Variants in HLA-DOA observed in about 807,000 individuals in gnomAD.
HLA-DOA encodes major histocompatibility complex, class II, DO alpha, also known as HLA class II histocompatibility antigen, DO alpha chain.
Under a neutral mutation model 22.9 loss-of-function variants are expected in HLA-DOA, and 27 were observed. The ratio of observed to expected loss-of-function variants is 1.18; its 90% CI spans 0.87 to 1.62. The LOEUF (loss-of-function observed/expected upper bound fraction) is 1.62, where lower values mean the gene tolerates loss of function less well. Among genes scored for constraint, HLA-DOA ranks in the 40% most tolerant of loss-of-function variants. The pLI, the probability that HLA-DOA is intolerant of heterozygous loss-of-function variation, is 0.00. For synonymous variants in HLA-DOA, 137 were observed against 138.6 expected (o/e 0.99, Z 0.08); for missense variants, 324 against 332.4 (o/e 0.97, Z 0.20).
At chr6:33,007,006 G>C in intron 4 of HLA-DOA, 74 bp downstream of exon 4, 2 of 1,545,802 alleles carry the variant, frequency 1.3e-6, no homozygotes, top group Non-Finnish European at 1.8e-6. Flanking sequence ...CAGAATCTCT[G>C]ATTCTCCACC....
rs1168907696 is a variant in HLA-DOA, at chr6:33,006,920, C to G, written c.750-79G>C. The G allele has an allele frequency of 4.8e-6, 7 of 1,457,772 alleles. No homozygotes were observed. The African/African-American group carries it at 9.7e-5, about 20-fold the overall frequency. The allele number at this position is 1,457,772 out of a possible 1,614,324, so 90.3% of individuals were successfully genotyped here. ...TCCTATCTCTGAGTGCCCACCTCCC[C>G]CAAAACCTCACTCTCTCACCCCACC... On this transcript the variant is annotated intron_variant, in intron 4 of 4. Transcript: ENST00000229829.
Position 33,008,236 on chromosome 6 carries a change from G to C in HLA-DOA, c.108C>G (p.Pro36=), listed in dbSNP as rs78635760. The change falls in exon 2 of 5, where the codon CCC becomes CCG. Residue 36 remains proline, a synonymous_variant. Coordinates refer to ENST00000229829, the MANE Select transcript of HLA-DOA (RefSeq NM_002119.4). ...AGGCGCCGTAAGACTGGTAGAAGGC[G>C]GGTCCGTAGGAGCCCATGTGGTCAG... is the stretch of plus-strand genomic sequence containing the variant. ...TKADHMGSYG[P]AFYQSYGASG... 6.2e-7 allele frequency: 1 copy of C among 1,612,574 alleles called. No individual in the cohort carries two copies. Among genetic ancestry groups the C allele is most frequent in the Non-Finnish European group, 8.5e-7 (1 of 1,180,030 alleles).
In HLA-DOA at chr6:33,009,438, C is replaced by G; in HGVS notation, c.82+17G>C. 1 of 1,563,280 alleles carries G rather than the reference C, an allele frequency of 6.4e-7. No individual in the cohort carries two copies. Among genetic ancestry groups the G allele is most frequent in the Non-Finnish European group, 8.7e-7 (1 of 1,155,130 alleles). ...AATCTCTGCTCCCCGCCGCACCCTC[C>G]TCGCCCTCGCACTCACCCTTGGTGG... On this transcript the variant is annotated intron_variant, in intron 1 of 4. Coordinates refer to ENST00000229829, the MANE Select transcript of HLA-DOA (RefSeq NM_002119.4). This position sits in a 1 kb window ranked among gnomAD's most constrained non-coding sequence, Gnocchi z 4.8.
chr6:33,004,865 C>T lies in HLA-DOA; in HGVS notation c.*1973G>A, dbSNP rs1044429. On this transcript the variant is annotated 3_prime_UTR_variant, in exon 5 of 5. Transcript: ENST00000229829. ...CACAAAAAGTTTGCCTGAGATGATT[C>T]TCCTCCACTTCCATCAGGGTCTTCT... 19,027 of 152,274 alleles carry T rather than the reference C, an allele frequency of 0.12. 1,439 individuals carry two copies. Among genetic ancestry groups the T allele is most frequent in the South Asian group, 0.27 (1,290 of 4,820 alleles). The allele number at this position is 152,274 out of a possible 1,614,324, so 9.4% of individuals were successfully genotyped here. A position where few individuals can be genotyped will look rare whatever the true frequency, so the allele number is the denominator to read the frequency against.
Position 33,008,051 on chromosome 6 carries a change from A to G in HLA-DOA, c.293T>C (p.Ile98Thr). The G allele has an allele frequency of 6.2e-7, 1 of 1,612,970 alleles. No individual in the cohort carries two copies. Among genetic ancestry groups the G allele is most frequent in the South Asian group, 1.1e-5 (1 of 91,070 alleles). The part of the protein sequence containing the change: ...GIAAIKAHLD[I>T]LVERSNRSRA... ...GCTGCGGTTGGAGCGCTCCACCAGG[A>G]TGTCCAGATGGGCTTTGATTGCGGC... Residue 98 changes from isoleucine to threonine, a missense_variant, in exon 2 of 5, where the codon ATC becomes ACC. Physicochemically the swap from Ile to Thr is moderately conservative, Grantham distance 89 (BLOSUM62 -1). Transcript: ENST00000229829.
Position 33,007,096 on chromosome 6 carries a change from CAT to C in HLA-DOA, c.731_732del (p.Tyr244CysfsTer43), listed in dbSNP as rs774873609. The C allele has an allele frequency of 1.2e-6, 2 of 1,613,240 alleles. No individual in the cohort carries two copies. Among genetic ancestry groups the C allele is most frequent in the Admixed American group, 1.7e-5 (1 of 59,952 alleles). ...VGTVLIIMGT[Y>X]VSSVPR Reference sequence around the variant, plus strand: ...CCTCTGCACCTGGGGACACTGGACACATATGTGCCCATGATGATGAGGACGGT... The same window carrying C: ...CCTCTGCACCTGGGGACACTGGACACATGTGCCCATGATGATGAGGACGGT... On this transcript the variant is annotated frameshift_variant, in exon 4 of 5. Transcript: ENST00000229829. LOFTEE classifies it high-confidence loss of function.
Position 33,009,364 on chromosome 6 carries a change from G to T in HLA-DOA, c.82+91C>A. 1.2e-6 allele frequency: 1 copy of T among 849,586 alleles called. No individual in the cohort carries two copies. Among genetic ancestry groups the T allele is most frequent in the Non-Finnish European group, 1.7e-6 (1 of 579,668 alleles). The allele number at this position is 849,586 out of a possible 1,614,324, so 52.6% of individuals were successfully genotyped here. On this transcript the variant is annotated intron_variant, in intron 1 of 4. Coordinates refer to ENST00000229829, the MANE Select transcript of HLA-DOA (RefSeq NM_002119.4). This position sits in a 1 kb window ranked among gnomAD's most constrained non-coding sequence, Gnocchi z 4.8. ...AAGTTGCCCATAAACCAGAGAGCGA[G>T]AGGAACAAGCATCCTCCATGCCACC...
Position 33,009,551 on chromosome 6 carries a change from T to G in HLA-DOA, c.-15A>C, listed in dbSNP as rs1319890496. 1.9e-6 allele frequency: 3 copies of G among 1,581,784 alleles called. No individual in the cohort carries two copies. Among genetic ancestry groups the G allele is most frequent in the Admixed American group, 1.8e-5 (1 of 57,024 alleles). Reference sequence around the variant, plus strand: ...CTGAGGGCCATTACACTCTGGTGCTTTAATCAAATCAGTCTCAGTCCGTGT... The same window carrying G: ...CTGAGGGCCATTACACTCTGGTGCTGTAATCAAATCAGTCTCAGTCCGTGT... On this transcript the variant is annotated 5_prime_UTR_variant, in exon 1 of 5. Transcript: ENST00000229829. The surrounding 1 kb of genome is among the most constrained non-coding windows in gnomAD (Gnocchi z 4.8).
chr6:33,006,932 T>C, intron 4 of HLA-DOA, 91 bp from the exon 5 acceptor site: 4 of 1,440,524 alleles, frequency 2.8e-6, no homozygotes, highest in Non-Finnish European at 3.9e-6. Flanking sequence ...AAAACCTCAC[T>C]CTCTCACCCC....
At chr6:33,006,993 C>A in intron 4 of HLA-DOA, 87 bp downstream of exon 4, 1 of 1,527,478 alleles carries the variant, frequency 6.5e-7, no homozygotes, top group Non-Finnish European at 9.0e-7. Context: ...TCTTTCCCCA[C>A]AACAGAATCT....
intron 4 of HLA-DOA, 118 bp downstream of exon 4, chr6:33,006,962 C>T (rs1330945360): frequency 6.8e-7 from 1 of 1,477,670 alleles, no homozygotes; most frequent in Non-Finnish European, 9.4e-7. Context: ...TCTTTTCTCC[C>T]TGCCCATTTC....
intron 4 of HLA-DOA, 50 bp downstream of exon 4, chr6:33,007,028 CAG>C (rs1209864129): frequency 6.3e-7 from 1 of 1,576,480 alleles, no homozygotes; most frequent in African/African-American, 1.4e-5. Flanking sequence ...ACGTCCTGTT[CAG>C]AGTCATCCAC....
chr6:33,008,325 G>A (rs1382909504), intron 1 of HLA-DOA, 64 bp from the exon 2 acceptor site: 1 of 1,575,276 alleles, frequency 6.3e-7, no homozygotes, highest in African/African-American at 1.4e-5. Flanking sequence ...TCCACAATAT[G>A]TGATTGTTGA....
chr6:33,007,144 G>C lies in HLA-DOA; in HGVS notation c.685C>G (p.Leu229Val). 1 of 1,613,932 alleles carries C rather than the reference G, an allele frequency of 6.2e-7. No homozygotes were observed. The highest frequency in any genetic ancestry group is 1.1e-5 in the South Asian group (1 of 91,092). ...LVCALGLAIG[L>V]VGFLVGTVLI... is the part of the protein sequence containing the mutation. Reference sequence around the variant, plus strand: ...ACGGTGCCCACGAGGAAGCCCACCAGGCCGATGGCCAGGCCCAGGGCACAG... The same window carrying C: ...ACGGTGCCCACGAGGAAGCCCACCACGCCGATGGCCAGGCCCAGGGCACAG... Residue 229 changes from leucine to valine, a missense_variant, in exon 4 of 5, where the codon CTG (leucine) becomes GTG (valine). Leu to Val is a conservative substitution (Grantham distance 32). Coordinates refer to ENST00000229829, the MANE Select transcript of HLA-DOA (RefSeq NM_002119.4).
chr6:33,008,310 T>C, intron 1 of HLA-DOA, 49 bp from the exon 2 acceptor site: 2 of 1,593,640 alleles, frequency 1.3e-6, no homozygotes, highest in Non-Finnish European at 1.7e-6. Flanking sequence ...AATGTGTCTG[T>C]CTCATCCACA....
In HLA-DOA at chr6:33,009,307, G is replaced by A. The variant is rs6457694; in HGVS notation, c.82+148C>T. 16,731 of 541,070 alleles carry A rather than the reference G, an allele frequency of 0.031. 878 individuals carry two copies. Among genetic ancestry groups the A allele is most frequent in the African/African-American group, 0.17 (8,610 of 51,408 alleles). 33.5% of individuals were successfully genotyped at this position (541,070 alleles called of 1,614,324 possible). ...TTAGGTCCAGAGTGGATGTGACAGAGATGAGGGGGATTGGGTGTCTCTTGG... is the reference window on the plus strand; with the variant it reads ...TTAGGTCCAGAGTGGATGTGACAGAAATGAGGGGGATTGGGTGTCTCTTGG... On this transcript the variant is annotated intron_variant, in intron 1 of 4. Coordinates refer to ENST00000229829, the MANE Select transcript of HLA-DOA (RefSeq NM_002119.4). The surrounding 1 kb of genome is among the most constrained non-coding windows in gnomAD (Gnocchi z 4.8).
Position 33,004,436 on chromosome 6 carries a change from C to G in HLA-DOA, c.*2402G>C, listed in dbSNP as rs182722479. On this transcript the variant is annotated 3_prime_UTR_variant, in exon 5 of 5. Transcript: ENST00000229829. Reference sequence around the variant, plus strand: ...TTGTGTTGAGATCTTGATTCCTGCTCTAACTACACAGGGCTGGGATGGACA... The same window carrying G: ...TTGTGTTGAGATCTTGATTCCTGCTGTAACTACACAGGGCTGGGATGGACA... 1 of 152,348 alleles carries G rather than the reference C, an allele frequency of 6.6e-6. No individual in the cohort carries two copies. Among genetic ancestry groups the G allele is most frequent in the African/African-American group, 2.4e-5 (1 of 41,566 alleles). The allele number at this position is 152,348 out of a possible 1,614,324, so 9.4% of individuals were successfully genotyped here.
In HLA-DOA at chr6:33,009,572, C is replaced by A; in HGVS notation, c.-36G>T. 2.0e-6 allele frequency: 3 copies of A among 1,507,468 alleles called. No homozygotes were observed. Among genetic ancestry groups the A allele is most frequent in the Non-Finnish European group, 2.7e-6 (3 of 1,112,208 alleles). 93.4% of individuals were successfully genotyped at this position (1,507,468 alleles called of 1,614,324 possible). ...TGCTTTAATCAAATCAGTCTCAGTC[C>A]GTGTGGTGAGGACAGGAACAAGGCG... is the stretch of plus-strand genomic sequence containing the variant. On this transcript the variant is annotated 5_prime_UTR_variant, in exon 1 of 5. Transcript: ENST00000229829. This position sits in a 1 kb window ranked among gnomAD's most constrained non-coding sequence, Gnocchi z 4.8.
In HLA-DOA at chr6:33,008,065, T is replaced by C; in HGVS notation, c.279A>G (p.Lys93=). ...QGGLAGIAAI[K]AHLDILVERS... is the part of the protein sequence containing the mutation. ...GCTCCACCAGGATGTCCAGATGGGC[T>C]TTGATTGCGGCGATGCCGGCCAGCC... Residue 93 remains lysine, a synonymous_variant, in exon 2 of 5, where the codon AAA becomes AAG. Transcript: ENST00000229829. 6.2e-7 allele frequency: 1 copy of C among 1,613,068 alleles called. No homozygotes were observed. The highest frequency in any genetic ancestry group is 1.3e-5 in the African/African-American group (1 of 75,048).
Sources: gnomAD v4.1 joint callset for allele counts on GRCh38, gnomAD v4.1.1 for gene constraint, Gnocchi (gnomAD v3.1) non-coding constraint, MANE v1.5 for transcripts, NCBI Gene and HGNC (gene_info 2026-07-23, HGNC 2026-07-21) for gene names.